F13A1: variants seen among roughly 807,000 people sequenced by gnomAD.
The protein encoded by F13A1 is FSF, A subunit.
F13A1 carries 47 observed loss-of-function variants against 80.1 expected under a neutral mutation model. The ratio of observed to expected loss-of-function variants is 0.59; its 90% confidence interval spans 0.46 to 0.75. F13A1 has a LOEUF of 0.75. Ranked by LOEUF, F13A1 falls within the 30% of genes least tolerant of loss-of-function variation. The probability of loss-of-function intolerance (pLI) is 0.00; values close to 1 mark genes in which losing one functional copy is unlikely to be tolerated. For synonymous variants in F13A1, 349 were observed against 344.9 expected, an observed-to-expected ratio of 1.01 and a Z score of -0.13; for missense variants, 817 against 930.4, an observed-to-expected ratio of 0.88 and a Z score of 1.59.
intron 3 of F13A1, among the ~76,000 whole-genome samples, chr6:6,303,186 AG>A (rs1429561480): frequency 6.6e-6 from 1 of 152,210 alleles, no homozygotes; most frequent in Non-Finnish European, 1.5e-5. Flanking sequence ...ATGTTCTGAT[AG>A]CCGCTTCAGA....
At chr6:6,183,406 A>G (rs1761022871) in intron 10 of F13A1, among the ~76,000 whole-genome samples, 1 of 152,222 alleles carries the variant, frequency 6.6e-6, no homozygotes, top group Non-Finnish European at 1.5e-5. Context: ...AGGATTCAGA[A>G]TCCTAATGAT....
chr6:6,207,553 T>C (rs906337995), intron 8 of F13A1, among the ~76,000 whole-genome samples: 2 of 152,192 alleles, frequency 1.3e-5, no homozygotes, highest in Non-Finnish European at 2.9e-5. Flanking sequence ...GCCACAAACA[T>C]GTGCAGGGCT....
intron 2 of F13A1, among the ~76,000 whole-genome samples, chr6:6,308,993 G>T (rs547620907): frequency 6.6e-6 from 1 of 152,146 alleles, no homozygotes; most frequent in African/African-American, 2.4e-5. Context: ...TTGTGCAATT[G>T]TTTTCTTCTG....
intron 4 of F13A1, among the ~76,000 whole-genome samples, chr6:6,265,732 G>T (rs1757834287): frequency 6.6e-6 from 1 of 152,204 alleles, no homozygotes; most frequent in Non-Finnish European, 1.5e-5. Context: ...AAACAACTTT[G>T]TGGAATCCTT....
At chr6:6,211,527 A>G (rs1362073496) in intron 8 of F13A1, among the ~76,000 whole-genome samples, 1 of 152,206 alleles carries the variant, frequency 6.6e-6, no homozygotes, top group Non-Finnish European at 1.5e-5. Flanking sequence ...CTTCTCTACT[A>G]TTTTACTTGG....
chr6:6,213,681 T>A (rs1464442736), intron 8 of F13A1, among the ~76,000 whole-genome samples: 18 of 150,842 alleles, frequency 1.2e-4, no homozygotes, highest in African/African-American at 4.4e-4. Flanking sequence ...CATGACAATA[T>A]TAACTTTAAA....
At chr6:6,195,105 C>A (rs1396997540) in intron 10 of F13A1, among the ~76,000 whole-genome samples, 1 of 152,226 alleles carries the variant, frequency 6.6e-6, no homozygotes, top group African/African-American at 2.4e-5. Flanking sequence ...GTTTACCCAA[C>A]ATCTCTTACA....
chr6:6,189,946 C>T (rs1275237613), intron 10 of F13A1, among the ~76,000 whole-genome samples: 1 of 152,136 alleles, frequency 6.6e-6, no homozygotes, highest in East Asian at 1.9e-4. Flanking sequence ...TTTCTCTAAA[C>T]TTCCCATCTT....
intron 10 of F13A1, among the ~76,000 whole-genome samples, chr6:6,187,970 G>A (rs1360609863): frequency 2.7e-5 from 4 of 149,366 alleles, no homozygotes; most frequent in South Asian, 2.2e-4. Flanking sequence ...ATGTGTCGAG[G>A]AATTTATCCA....
intron 6 of F13A1, among the ~76,000 whole-genome samples, chr6:6,236,859 A>G (rs1291591470): frequency 6.6e-6 from 1 of 152,178 alleles, no homozygotes; most frequent in Admixed American, 6.6e-5. Context: ...TTTGGCAAGG[A>G]GAAGAATTAT....
rs190906239 is a variant in F13A1 at position 6,210,633 on chromosome 6, A to T, written c.1112+11400T>A. On this transcript the variant is annotated intron_variant, in intron 8 of 14. Coordinates refer to ENST00000264870, the MANE Select transcript of F13A1 (RefSeq NM_000129.4). Reference sequence around the variant, plus strand: ...ATGGTCTTGATCTCCTGACCTTGTGATCCACCTGCCTCAGCCTCCTAAATT... The same window carrying T: ...ATGGTCTTGATCTCCTGACCTTGTGTTCCACCTGCCTCAGCCTCCTAAATT... 1.1e-4 allele frequency among the ~76,000 whole-genome samples: 16 copies of T among 151,964 alleles called. No individual in the cohort carries two copies. In the East Asian group the frequency reaches 2.3e-3, roughly 22 times the overall value.
intron 2 of F13A1, among the ~76,000 whole-genome samples, chr6:6,316,111 A>AGTTTTT (rs1758679898): frequency 1.9e-5 from 1 of 52,956 alleles, no homozygotes; most frequent in African/African-American, 9.1e-5. Flanking sequence ...ATATATATAT[A>AGTTTTT]TATATATATA....
chr6:6,291,196 T>C (rs1476585473), intron 3 of F13A1, among the ~76,000 whole-genome samples: 1 of 152,138 alleles, frequency 6.6e-6, no homozygotes, highest in African/African-American at 2.4e-5. Context: ...CCTTCACCTC[T>C]TTCTCGACAA....
chr6:6,294,303 A>C (rs9504744), intron 3 of F13A1, among the ~76,000 whole-genome samples: 43,764 of 151,842 alleles, frequency 0.29, 7,692 homozygotes, highest in African/African-American at 0.48. Flanking sequence ...AAGCAGGCAG[A>C]AAAACTTGAA....
At chr6:6,247,574 G>C (rs148868613) in intron 6 of F13A1, among the ~76,000 whole-genome samples, 724 of 152,244 alleles carry the variant, frequency 4.8e-3, no homozygotes, top group African/African-American at 0.017. Flanking sequence ...CCCACTCATG[G>C]GAGTTCTATC....
intron 13 of F13A1, among the ~76,000 whole-genome samples, chr6:6,153,805 T>C (rs1428917391): frequency 2.0e-5 from 3 of 152,186 alleles, no homozygotes; most frequent in Admixed American, 2.0e-4. Flanking sequence ...ATAATTCACA[T>C]ATATTCTCAC....
At chr6:6,176,591 G>A in intron 11 of F13A1, among the ~76,000 whole-genome samples, 1 of 152,234 alleles carries the variant, frequency 6.6e-6, no homozygotes, top group East Asian at 1.9e-4. Context: ...CTGCAAGAAT[G>A]TGCCAGGAAC....
At position 6,151,829 on chromosome 6, in the gene F13A1, T is replaced by A; in HGVS notation, c.2029A>T (p.Met677Leu). Residue 677 changes from methionine (M) to leucine (L), a missense_variant, in exon 14 of 15, where the codon ATG becomes TTG. Transcript: ENST00000264870. The stretch of plus-strand genomic sequence containing the variant: ...AAGGTTTACCGGAACATCTTCTTCA[T>A]TGGTCTTGTTACTCCAGGACCATCC... ...HLDGPGVTRP[M>L]KKMFREIRPN... The A allele has an allele frequency of 6.2e-7, 1 of 1,614,116 alleles. No homozygotes were observed. The highest frequency in any genetic ancestry group is 8.5e-7 in the Non-Finnish European group (1 of 1,179,970).
At chr6:6,226,613 G>T (rs776689278) in intron 6 of F13A1, among the ~76,000 whole-genome samples, 7 of 152,114 alleles carry the variant, frequency 4.6e-5, no homozygotes, top group Non-Finnish European at 7.3e-5. Flanking sequence ...GTGTCTAGTT[G>T]TAGAGAAGTC....
Sources: allele counts gnomAD v4.1 joint callset (sites outside exome capture counted in the v4.1 genomes callset), GRCh38; gene constraint gnomAD v4.1.1; transcripts MANE v1.5; gene names NCBI Gene and HGNC (gene_info 2026-07-23, HGNC 2026-07-21).